The following RPS6KC1 variants were observed in gnomAD, a reference collection of about 807,000 sequenced individuals.
RPS6KC1 encodes the protein inactive ribosomal protein S6 kinase delta-1.
Under a neutral mutation model 103.8 loss-of-function variants are expected in RPS6KC1, and 54 were observed. The observed-to-expected ratio is 0.52, with a 90% CI of 0.42 to 0.65. The LOEUF is 0.65. Ranked by LOEUF, RPS6KC1 falls within the 30% of genes least tolerant of loss-of-function variation. RPS6KC1 has a pLI of 0.00. For missense variants in RPS6KC1, 1,151 were observed against 1,253.8 expected, an observed-to-expected ratio of 0.92 and a Z score of 1.24; for synonymous variants, 439 against 438.7, an observed-to-expected ratio of 1.00 and a Z score of -0.01.
At chr1:213,164,608 T>C (rs1398577603) in intron 6 of RPS6KC1, among the ~76,000 whole-genome samples, 1 of 152,200 alleles carries the variant, frequency 6.6e-6, no homozygotes, top group Non-Finnish European at 1.5e-5. Context: ...TGGAGTGCAG[T>C]GGTTCATGCA....
the RPS6KC1 span, among the ~76,000 whole-genome samples, chr1:213,350,529 T>G: frequency 2.0e-5 from 3 of 152,240 alleles, no homozygotes; most frequent in East Asian, 5.8e-4. Flanking sequence ...TTCCCAAAAG[T>G]GGACACCTGG....
the RPS6KC1 span, among the ~76,000 whole-genome samples, chr1:213,842,494 CT>C: frequency 5.9e-5 from 9 of 151,992 alleles, no homozygotes; most frequent in African/African-American, 2.2e-4. Context: ...AAATACTTAC[CT>C]GGTTGAAAGC....
intron 7 of RPS6KC1, among the ~76,000 whole-genome samples, chr1:213,174,429 G>A (rs986802530): frequency 5.9e-5 from 9 of 152,064 alleles, no homozygotes; most frequent in Non-Finnish European, 1.0e-4. Flanking sequence ...CAGCACTTTC[G>A]GAGGACGAGG....
the RPS6KC1 span, among the ~76,000 whole-genome samples, chr1:213,575,162 G>T: frequency 2.0e-5 from 3 of 152,006 alleles, no homozygotes; most frequent in African/African-American, 4.8e-5. Flanking sequence ...ACTAGTATCT[G>T]TCTCTTAAAG....
intron 3 of RPS6KC1, among the ~76,000 whole-genome samples, chr1:213,081,616 G>A (rs2079890475): frequency 6.6e-6 from 1 of 150,528 alleles, no homozygotes; most frequent in African/African-American, 2.4e-5. Flanking sequence ...TCATTCCTGA[G>A]ATTTATTTAT....
the RPS6KC1 span, among the ~76,000 whole-genome samples, chr1:213,564,816 C>T: frequency 6.6e-6 from 1 of 152,150 alleles, no homozygotes. Flanking sequence ...CAATTAACAA[C>T]CTTTTATTAG....
the RPS6KC1 span, among the ~76,000 whole-genome samples, chr1:213,778,902 G>A: frequency 7.2e-5 from 11 of 152,014 alleles, no homozygotes; most frequent in African/African-American, 1.4e-4. Context: ...GCCCCACTCC[G>A]TAGAAGCTCT....
At chr1:213,717,061 A>G in the RPS6KC1 span, among the ~76,000 whole-genome samples, 71,909 of 152,058 alleles carry the variant, frequency 0.47, 17,301 homozygotes, top group South Asian at 0.6. Context: ...TTTTTTCCTG[A>G]TGTTTGCTAC....
At chr1:213,260,506 C>T (rs1022690267) in intron 12 of RPS6KC1, among the ~76,000 whole-genome samples, 1 of 152,192 alleles carries the variant, frequency 6.6e-6, no homozygotes, top group South Asian at 2.1e-4. Context: ...TTCTCCCACA[C>T]AAGTACATTG....
the RPS6KC1 span, among the ~76,000 whole-genome samples, chr1:213,388,810 C>T: frequency 5.3e-5 from 8 of 152,332 alleles, no homozygotes; most frequent in South Asian, 6.2e-4. Context: ...AGATGATGAC[C>T]GCCCTGGCGA....
intron 8 of RPS6KC1, among the ~76,000 whole-genome samples, chr1:213,212,463 C>G (rs1336139969): frequency 2.6e-5 from 4 of 152,114 alleles, no homozygotes; most frequent in Non-Finnish European, 5.9e-5. Flanking sequence ...TGGATGACCC[C>G]AGTTTACCCA....
At chr1:213,767,944 C>A in the RPS6KC1 span, among the ~76,000 whole-genome samples, 2 of 152,224 alleles carry the variant, frequency 1.3e-5, no homozygotes, top group African/African-American at 2.4e-5. Context: ...AGGTCACTTG[C>A]AGGAAAAATG....
the RPS6KC1 span, among the ~76,000 whole-genome samples, chr1:213,677,642 T>TG: frequency 1.3e-5 from 2 of 152,040 alleles, no homozygotes; most frequent in African/African-American, 4.8e-5. Flanking sequence ...GCATTGTATG[T>TG]GGGGGGAGAT....
the RPS6KC1 span, among the ~76,000 whole-genome samples, chr1:213,483,656 A>G: frequency 6.6e-6 from 1 of 152,130 alleles, no homozygotes; most frequent in Non-Finnish European, 1.5e-5. Flanking sequence ...CTTTCAAGAG[A>G]TTTCATGTAA....
the RPS6KC1 span, among the ~76,000 whole-genome samples, chr1:213,827,295 G>A: frequency 2.0e-5 from 3 of 152,276 alleles, no homozygotes; most frequent in South Asian, 2.1e-4. Flanking sequence ...GTTCCATTTC[G>A]TGCTGGAAGG....
chr1:213,335,176 T>A, the RPS6KC1 span, among the ~76,000 whole-genome samples: 1 of 152,240 alleles, frequency 6.6e-6, no homozygotes, highest in African/African-American at 2.4e-5. Context: ...GAACTAATGA[T>A]GGCTTGTATA....
chr1:213,647,725 T>C, the RPS6KC1 span, among the ~76,000 whole-genome samples: 1 of 152,302 alleles, frequency 6.6e-6, no homozygotes, highest in Admixed American at 6.5e-5. Context: ...CCTAGTGCCT[T>C]AGGGACTTTT....
chr1:213,240,651 T>C, intron 10 of RPS6KC1, 51 bp from the exon 11 acceptor site: 1 of 1,465,422 alleles, frequency 6.8e-7, no homozygotes, highest in Non-Finnish European at 9.2e-7. Flanking sequence ...TAAATAACTG[T>C]CAATTTGGAG....
intron 7 of RPS6KC1, among the ~76,000 whole-genome samples, chr1:213,173,901 C>G (rs193006361): frequency 1.1e-3 from 160 of 152,188 alleles, no homozygotes; most frequent in Non-Finnish European, 1.9e-3. Flanking sequence ...TTTAAATTGC[C>G]AAAGTGAACA....
Sources: allele counts gnomAD v4.1 joint callset (sites outside exome capture counted in the v4.1 genomes callset), GRCh38; gene constraint gnomAD v4.1.1; transcripts MANE v1.5; gene names NCBI Gene and HGNC (gene_info 2026-07-23, HGNC 2026-07-21).